Variants in TRPM3 observed in about 807,000 individuals in gnomAD.
TRPM3 encodes the protein long transient receptor potential channel 3.
TRPM3 carries 77 observed loss-of-function variants against 181.2 expected under a neutral mutation model. The observed-to-expected ratio is 0.42, with a 90% CI of 0.35 to 0.51. The LOEUF is 0.51. TRPM3 is among the 20% of genes least tolerant of loss of function. The pLI is 0.01. For synonymous variants in TRPM3, 745 were observed against 796.4 expected, an observed-to-expected ratio of 0.94 and a Z score of 1.09; for missense variants, 1,759 against 2,196.7, an observed-to-expected ratio of 0.80 and a Z score of 3.98.
chr9:70,914,649 C>A (rs576774641), intron 1 of TRPM3, among the ~76,000 whole-genome samples: 1 of 152,166 alleles, frequency 6.6e-6, no homozygotes, highest in Non-Finnish European at 1.5e-5. Flanking sequence ...GAGTGAGACT[C>A]AGTGCTGAAT....
intron 1 of TRPM3, among the ~76,000 whole-genome samples, chr9:71,120,732 C>T (rs987399253): frequency 5.3e-5 from 8 of 152,172 alleles, no homozygotes; most frequent in Admixed American, 5.2e-4. Context: ...GAGGAGAATC[C>T]TTTGTTCTCT....
intron 1 of TRPM3, among the ~76,000 whole-genome samples, chr9:71,059,142 C>A (rs1193942689): frequency 3.5e-5 from 5 of 143,712 alleles, no homozygotes; most frequent in Non-Finnish European, 7.5e-5. Context: ...TTACCAAAAC[C>A]AAAGAAGGAA....
At chr9:71,137,346 T>C (rs552190590) in intron 1 of TRPM3, among the ~76,000 whole-genome samples, 1 of 152,274 alleles carries the variant, frequency 6.6e-6, no homozygotes, top group South Asian at 2.1e-4. Flanking sequence ...AGAACTAACA[T>C]CAAATACAAA....
At position 70,591,054 on chromosome 9, in the gene TRPM3, T is replaced by G; in HGVS notation, c.3200A>C (p.Glu1067Ala). ...FYMPYWMIYG[E>A]VFADQIDPPC... is the part of the protein sequence containing the mutation. ...ACGGTCTATCTGGTCCGCAAACACT[T>G]CCCCATAAATCATCCAATAGGGCAT... Residue 1067 changes from glutamate (E) to alanine (A), a missense_variant, in exon 22 of 26, where the codon GAA (glutamate) becomes GCA (alanine). This residue lies in a region of TRPM3 where 94 missense variants were observed against 221.3 expected (regional missense o/e 0.42). Coordinates refer to ENST00000677713, the MANE Select transcript of TRPM3 (RefSeq NM_001366145.2). 1 of 1,614,128 alleles carries G rather than the reference T, an allele frequency of 6.2e-7. No homozygotes were observed. The highest frequency in any genetic ancestry group is 8.5e-7 in the Non-Finnish European group (1 of 1,180,028).
At chr9:71,032,707 C>A (rs2057689199) in intron 1 of TRPM3, among the ~76,000 whole-genome samples, 1 of 152,100 alleles carries the variant, frequency 6.6e-6, no homozygotes, top group Admixed American at 6.5e-5. Flanking sequence ...TAGACAATTT[C>A]TAGTGTGTCA....
chr9:70,618,824 C>A, intron 17 of TRPM3, 43 bp downstream of exon 17: 1 of 1,564,112 alleles, frequency 6.4e-7, no homozygotes, highest in Non-Finnish European at 8.7e-7. Flanking sequence ...CTAACCCACC[C>A]GCCGGTCCTC....
intron 1 of TRPM3, among the ~76,000 whole-genome samples, chr9:70,956,264 A>T (rs1350195410): frequency 6.7e-6 from 1 of 149,816 alleles, no homozygotes; most frequent in Non-Finnish European, 1.5e-5. Context: ...AAATAAATAA[A>T]GATAGCCTCA....
intron 4 of TRPM3, among the ~76,000 whole-genome samples, chr9:70,845,208 C>T (rs1001561639): frequency 5.9e-5 from 9 of 151,386 alleles, no homozygotes; most frequent in African/African-American, 1.7e-4. Context: ...ATCCAAACTA[C>T]GAATGCAAAA....
rs559765035 is a variant in TRPM3, at chr9:71,334,240, C to T, written c.183+112413G>A. 2.3e-4 allele frequency among the ~76,000 whole-genome samples: 35 copies of T among 151,668 alleles called. 1 individual carries two copies. Among genetic ancestry groups the T allele is most frequent in the African/African-American group, 6.8e-4 (28 of 41,348 alleles). ...GAAAGAGACCTTGAACCACTCAAAGCTCTAATATTAAATCTGCCTAATATT... is the reference window on the plus strand; with the variant it reads ...GAAAGAGACCTTGAACCACTCAAAGTTCTAATATTAAATCTGCCTAATATT... On this transcript the variant is annotated intron_variant, in intron 1 of 24. Coordinates refer to the TRPM3 transcript ENST00000357533.
At chr9:70,772,978 T>C (rs141298351) in intron 7 of TRPM3, among the ~76,000 whole-genome samples, 2 of 152,004 alleles carry the variant, frequency 1.3e-5, no homozygotes, top group East Asian at 1.9e-4. Flanking sequence ...TTAGGACCCA[T>C]ATAAAAGACA....
intron 1 of TRPM3, among the ~76,000 whole-genome samples, chr9:71,023,790 T>A (rs867587766): frequency 6.6e-6 from 1 of 151,416 alleles, no homozygotes; most frequent in South Asian, 2.1e-4. Flanking sequence ...ACTTTAGAAA[T>A]GGAGAACAGA....
chr9:71,198,192 T>C (rs1299547405), intron 1 of TRPM3, among the ~76,000 whole-genome samples: 15 of 151,982 alleles, frequency 9.9e-5, no homozygotes, highest in African/African-American at 3.1e-4. Flanking sequence ...AGATATGTGG[T>C]GTTATTTCTG....
chr9:71,007,352 C>A (rs1360894007), intron 1 of TRPM3, among the ~76,000 whole-genome samples: 1 of 152,046 alleles, frequency 6.6e-6, no homozygotes, highest in Admixed American at 6.6e-5. Context: ...ACATTTTAGA[C>A]CAAATGTACC....
intron 8 of TRPM3, among the ~76,000 whole-genome samples, chr9:70,698,833 A>G (rs942088722): frequency 3.9e-5 from 6 of 152,076 alleles, no homozygotes; most frequent in Non-Finnish European, 7.4e-5. Context: ...CCTTCCATGT[A>G]AGACTCCTTC....
chr9:71,212,538 T>A (rs1203741393), intron 1 of TRPM3, among the ~76,000 whole-genome samples: 1 of 152,150 alleles, frequency 6.6e-6, no homozygotes, highest in African/African-American at 2.4e-5. Flanking sequence ...CATACGTAAA[T>A]GTGCACCATG....
At chr9:71,193,591 A>T (rs2078163674) in intron 1 of TRPM3, among the ~76,000 whole-genome samples, 1 of 152,026 alleles carries the variant, frequency 6.6e-6, no homozygotes, top group Middle Eastern at 3.4e-3. Flanking sequence ...TTAATCTCCG[A>T]AACTGAAATT....
intron 1 of TRPM3, among the ~76,000 whole-genome samples, chr9:71,018,622 A>G (rs1329753): frequency 1.6e-4 from 25 of 151,896 alleles, no homozygotes; most frequent in Admixed American, 7.2e-4. Flanking sequence ...AAAACAGTAA[A>G]GTATGAAAAT....
intron 1 of TRPM3, among the ~76,000 whole-genome samples, chr9:71,064,454 TAG>T (rs1217723772): frequency 6.6e-6 from 1 of 151,582 alleles, no homozygotes; most frequent in East Asian, 1.9e-4. Context: ...TTTTACTTAA[TAG>T]AGAGTTTTCA....
intron 22 of TRPM3, among the ~76,000 whole-genome samples, chr9:70,566,650 T>A (rs2050673710): frequency 6.6e-6 from 1 of 152,224 alleles, no homozygotes; most frequent in Admixed American, 6.5e-5. Flanking sequence ...TCTTCATGAT[T>A]TCTATTTTCC....
Sources: allele counts gnomAD v4.1 joint callset (sites outside exome capture counted in the v4.1 genomes callset), GRCh38; gene constraint gnomAD v4.1.1; regional missense constraint gnomAD v4.1.1; transcripts MANE v1.5; gene names NCBI Gene and HGNC (gene_info 2026-07-23, HGNC 2026-07-21).